AGBL1: variants seen among roughly 807,000 people sequenced by gnomAD.
The protein encoded by AGBL1 is cytosolic carboxypeptidase 4.
In AGBL1, 130 loss-of-function variants were observed where a neutral mutation model predicts 118.9. That is an observed-to-expected ratio of 1.09 (90% CI 0.95 to 1.26). AGBL1 has a LOEUF of 1.26. Ranked by LOEUF, AGBL1 falls within the 50% of genes most tolerant of loss-of-function variation. The probability of loss-of-function intolerance (pLI) is 0.00; values close to 1 mark genes in which losing one functional copy is unlikely to be tolerated. For missense variants in AGBL1, 1,584 were observed against 1,298.1 expected (o/e 1.22, Z -3.38); for synonymous variants, 555 against 478.9 (o/e 1.16, Z -2.08).
chr15:86,267,739 C>G (rs2079096861), intron 13 of AGBL1, among the ~76,000 whole-genome samples: 1 of 152,216 alleles, frequency 6.6e-6, no homozygotes, highest in South Asian at 2.1e-4. Flanking sequence ...GACCGCGGTT[C>G]TCACTATGTT....
intron 1 of AGBL1, among the ~76,000 whole-genome samples, chr15:86,102,069 C>G (rs2141502237): frequency 6.8e-6 from 1 of 147,568 alleles, no homozygotes; most frequent in South Asian, 2.1e-4. Context: ...GAGATGGAGT[C>G]TTGCTCTCTT....
intron 17 of AGBL1, among the ~76,000 whole-genome samples, chr15:86,347,291 T>C (rs2080552843): frequency 6.6e-6 from 1 of 152,244 alleles, no homozygotes; most frequent in Admixed American, 6.5e-5. Context: ...ACTAGATGGT[T>C]ACTAGAAAGT....
chr15:86,739,872 A>G (rs966453902), intron 22 of AGBL1, among the ~76,000 whole-genome samples: 1 of 152,190 alleles, frequency 6.6e-6, no homozygotes, highest in Non-Finnish European at 1.5e-5. Context: ...CTCCCTCTCC[A>G]GAAGGGTGGC....
At chr15:86,499,516 C>T (rs779049751) in intron 18 of AGBL1, among the ~76,000 whole-genome samples, 41 of 151,926 alleles carry the variant, frequency 2.7e-4, no homozygotes, top group South Asian at 6.2e-4. Context: ...GAAAGGATTA[C>T]CACAAAGAGG....
intron 22 of AGBL1, among the ~76,000 whole-genome samples, chr15:86,717,748 C>T (rs2086659515): frequency 6.6e-6 from 1 of 152,138 alleles, no homozygotes; most frequent in Admixed American, 6.5e-5. Flanking sequence ...ATTATAGTAT[C>T]ACAGCCATAT....
intron 18 of AGBL1, among the ~76,000 whole-genome samples, chr15:86,413,886 T>C (rs76470741): frequency 0.012 from 1,888 of 152,140 alleles, 41 homozygotes; most frequent in African/African-American, 0.043. Flanking sequence ...AATTTTCCCA[T>C]TTACAATTCA....
intron 6 of AGBL1, among the ~76,000 whole-genome samples, chr15:86,232,237 GTCGCCCCCA>G (rs2078467771): frequency 6.6e-6 from 1 of 152,148 alleles, no homozygotes; most frequent in Non-Finnish European, 1.5e-5. Context: ...ACCTGTCCTC[GTCGCCCCCA>G]TCCCTGTCCC....
intron 22 of AGBL1, among the ~76,000 whole-genome samples, chr15:86,728,486 T>A (rs1417548462): frequency 6.6e-6 from 1 of 152,170 alleles, no homozygotes; most frequent in African/African-American, 2.4e-5. Context: ...CCCATAGGTA[T>A]CAGCAGAGCC....
intron 21 of AGBL1, among the ~76,000 whole-genome samples, chr15:86,554,779 A>G (rs188051500): frequency 8.7e-4 from 133 of 152,266 alleles, no homozygotes; most frequent in African/African-American, 3.1e-3. Flanking sequence ...CCTCACTAGC[A>G]AGCAGCTGGG....
chr15:86,591,122 G>A lies in AGBL1; in HGVS notation c.2994+36585G>A, dbSNP rs114765688. ...TCTCTCTTAACCTTGACGCTTAAAG[G>A]TGTCCCTCAATTTGTGTGATTGTTT... On this transcript the variant is annotated intron_variant, in intron 21 of 22. Coordinates refer to ENST00000614907, the MANE Select transcript of AGBL1 (RefSeq NM_001386094.1). Among the ~76,000 whole-genome samples the A allele has an allele frequency of 5.5e-3, 838 of 152,232 alleles. 11 individuals are homozygous for A. Among genetic ancestry groups the A allele is most frequent in the African/African-American group, 0.019 (786 of 41,530 alleles).
intron 24 of AGBL1, among the ~76,000 whole-genome samples, chr15:87,027,409 C>T (rs566330527): frequency 5.9e-4 from 89 of 151,596 alleles, no homozygotes; most frequent in South Asian, 1.9e-3. Flanking sequence ...ACCATTTGAC[C>T]GAGCAATCTC....
At chr15:86,227,997 G>A (rs1331901880) in intron 6 of AGBL1, among the ~76,000 whole-genome samples, 3 of 152,158 alleles carry the variant, frequency 2.0e-5, no homozygotes, top group Non-Finnish European at 4.4e-5. Context: ...ATGGATTTGG[G>A]GAGAAGTAAT....
rs868675912 is a variant in AGBL1, at chr15:86,384,563, C to T, written c.2375-12803C>T. On this transcript the variant is annotated intron_variant, in intron 17 of 22. Transcript: ENST00000614907. Reference sequence around the variant, plus strand: ...GCACAGATGTATTATTTTTTATTCCCAGCATATTATAATATAACAATTTCC... The same window carrying T: ...GCACAGATGTATTATTTTTTATTCCTAGCATATTATAATATAACAATTTCC... 2.3e-5 allele frequency among the ~76,000 whole-genome samples: 3 copies of T among 133,158 alleles called. No individual in the cohort carries two copies. In the South Asian group the frequency reaches 7.9e-4, roughly 35 times the overall value. 87.4% of individuals were successfully genotyped at this position (133,158 alleles called of 152,430 possible).
intron 17 of AGBL1, among the ~76,000 whole-genome samples, chr15:86,376,504 C>T (rs1044507137): frequency 4.6e-5 from 7 of 152,190 alleles, no homozygotes; most frequent in Admixed American, 6.5e-5. Context: ...CCTTTTCTTC[C>T]TGTGGAATCC....
chr15:86,629,243 G>A (rs1468122107), intron 21 of AGBL1, among the ~76,000 whole-genome samples: 1 of 152,050 alleles, frequency 6.6e-6, no homozygotes, highest in Non-Finnish European at 1.5e-5. Flanking sequence ...ATTGGTTGGA[G>A]CTTGAGAAAG....
rs151283353 is a variant in AGBL1, at chr15:86,190,515, C to T, written c.488+31489C>T. The stretch of plus-strand genomic sequence containing the variant: ...ATTATTTTTGTCTGTTTGGTACAGC[C>T]GTGTCTTGGATTGACTTTCTAAAAT... On this transcript the variant is annotated intron_variant, in intron 5 of 22. Coordinates refer to ENST00000614907, the MANE Select transcript of AGBL1 (RefSeq NM_001386094.1). Among the ~76,000 whole-genome samples the T allele has an allele frequency of 4.4e-3, 675 of 151,974 alleles. 4 individuals carry two copies. Among genetic ancestry groups the T allele is most frequent in the African/African-American group, 0.016 (650 of 41,454 alleles).
rs143672333 is a variant in AGBL1 at position 86,485,968 on chromosome 15, G to C, written c.2556-36842G>C. Among the ~76,000 whole-genome samples, 302 of 152,152 alleles carry C rather than the reference G, an allele frequency of 2.0e-3. 10 individuals carry two copies. The East Asian group carries it at 0.055, about 28-fold the overall frequency. On this transcript the variant is annotated intron_variant, in intron 18 of 22. Transcript: ENST00000614907. ...AATACATTAGACACTCAGAAAGGCA[G>C]GATTGCAGAGCAGCTAAGAGGCTGA...
In AGBL1 at chr15:86,707,713, A is replaced by G. The variant is rs1056192971; in HGVS notation, c.3158+33277A>G. On this transcript the variant is annotated intron_variant, in intron 22 of 22. Coordinates refer to ENST00000614907, the MANE Select transcript of AGBL1 (RefSeq NM_001386094.1). ...TTATAAAATATTGAAGCAACATTGC[A>G]TAAGGAGGCTGTTGAATTCTTCCAT... is the stretch of plus-strand genomic sequence containing the variant. Among the ~76,000 whole-genome samples, 19 of 152,320 alleles carry G rather than the reference A, an allele frequency of 1.2e-4. 1 individual carries two copies. The highest frequency in any genetic ancestry group is 1.2e-3 in the Admixed American group (19 of 15,282).
intron 22 of AGBL1, among the ~76,000 whole-genome samples, chr15:86,754,610 C>A (rs1389389756): frequency 6.6e-6 from 1 of 151,910 alleles, no homozygotes; most frequent in Non-Finnish European, 1.5e-5. Flanking sequence ...ATGTGTATAC[C>A]CACCCCAAGT....
Sources: allele counts gnomAD v4.1 joint callset (sites outside exome capture counted in the v4.1 genomes callset), GRCh38; gene constraint gnomAD v4.1.1; transcripts MANE v1.5; gene names NCBI Gene and HGNC (gene_info 2026-07-23, HGNC 2026-07-21).